Variants in LMOD1 observed in about 807,000 individuals in gnomAD.
LMOD1 encodes the protein leiomodin 1, also known as leiomodin-1.
LMOD1 carries 8 observed loss-of-function variants against 36.5 expected under a neutral mutation model. The observed-to-expected ratio is 0.22, with a 90% CI of 0.13 to 0.40. The LOEUF is 0.40. Among genes scored for constraint, LMOD1 ranks in the 10% least tolerant of loss-of-function variants. The pLI is 1.00. For synonymous variants in LMOD1, 284 were observed against 288.7 expected (o/e 0.98, Z 0.17); for missense variants, 630 against 751.1 (o/e 0.84, Z 1.88).
chr1:201,930,086 A>G (rs369101514), intron 1 of LMOD1, among the ~76,000 whole-genome samples: 3 of 152,312 alleles, frequency 2.0e-5, no homozygotes. Flanking sequence ...TGGAGAACCA[A>G]TGGTCAAGTA....
intron 1 of LMOD1, among the ~76,000 whole-genome samples, chr1:201,933,500 A>G (rs1357122060): frequency 1.3e-5 from 2 of 148,952 alleles, no homozygotes; most frequent in Non-Finnish European, 3.0e-5. Context: ...CAAAAAATAC[A>G]CACTCCATGA....
At chr1:201,902,613 A>C (rs1681349514) in intron 1 of LMOD1, among the ~76,000 whole-genome samples, 1 of 151,988 alleles carries the variant, frequency 6.6e-6, no homozygotes, top group Admixed American at 6.6e-5. Context: ...TGCCCAGCTA[A>C]TTTTTGTATT....
At chr1:201,906,082 A>G (rs1049451389) in intron 1 of LMOD1, among the ~76,000 whole-genome samples, 10 of 152,108 alleles carry the variant, frequency 6.6e-5, no homozygotes, top group African/African-American at 2.4e-4. Flanking sequence ...GGTAGGATCT[A>G]TGGGGTCTCC....
chr1:201,946,243 T>G lies in LMOD1; in HGVS notation c.98A>C (p.Glu33Ala). Residue 33 changes from glutamate to alanine, a missense_variant, in exon 1 of 3, where the codon GAG becomes GCG. Transcript: ENST00000367288. ...TLSPEEMEEL[E>A]KELDVVDPDG... is the part of the protein sequence containing the mutation. ...TGGGTCCACCACGTCCAGCTCCTTC[T>G]CCAGCTCCTCCATCTCCTCGGGAGA... 1 of 1,613,930 alleles carries G rather than the reference T, an allele frequency of 6.2e-7. No homozygotes were observed. Among genetic ancestry groups the G allele is most frequent in the Non-Finnish European group, 8.5e-7 (1 of 1,179,894 alleles).
rs370852373 is a variant in LMOD1, at chr1:201,899,486, T to C, written c.1527A>G (p.Pro509=). The C allele has an allele frequency of 1.5e-5, 24 of 1,613,966 alleles. 2 individuals carry two copies. The African/African-American group carries it at 3.2e-4, about 22-fold the overall frequency. The part of the protein sequence containing the change: ...PKAGAVAKGS[P]KPSPQPSPKP... ...TTGGAGATGGTTGAGGTGAAGGTTT[T>C]GGGGAGCCCTTAGCCACGGCCCCGG... is the stretch of plus-strand genomic sequence containing the variant. Residue 509 remains proline, a synonymous_variant, in exon 2 of 3, where the codon CCA becomes CCG. Transcript: ENST00000367288. The surrounding 1 kb of genome is among the most constrained non-coding windows in gnomAD (Gnocchi z 6.3).
At chr1:201,918,992 A>T (rs189086050) in intron 1 of LMOD1, among the ~76,000 whole-genome samples, 1 of 151,548 alleles carries the variant, frequency 6.6e-6, no homozygotes, top group African/African-American at 2.4e-5. Flanking sequence ...TCCTGGGCTC[A>T]AGTGATCCTC....
Position 201,932,410 on chromosome 1 carries a change from C to T in LMOD1, c.261+13670G>A, listed in dbSNP as rs990844086. 4.6e-5 allele frequency among the ~76,000 whole-genome samples: 7 copies of T among 151,960 alleles called. No homozygotes were observed. In the East Asian group the frequency reaches 7.7e-4, roughly 17 times the overall value. On this transcript the variant is annotated intron_variant, in intron 1 of 2. Coordinates refer to ENST00000367288, the MANE Select transcript of LMOD1 (RefSeq NM_012134.3). ...GGTCAGGAGGACAGGAGGCAGAACACGCTGAAAAGGTTATACAGCATCTAG... is the reference window on the plus strand; with the variant it reads ...GGTCAGGAGGACAGGAGGCAGAACATGCTGAAAAGGTTATACAGCATCTAG...
rs571645323 is a variant in LMOD1 at position 201,910,879 on chromosome 1, C to T, written c.262-10128G>A. ...AAGCGATTCTCCTGCCTCAGCCTCC[C>T]GAATAGCTGGGATTACAGGTGTTCG... On this transcript the variant is annotated intron_variant, in intron 1 of 2. Coordinates refer to ENST00000367288, the MANE Select transcript of LMOD1 (RefSeq NM_012134.3). 1.6e-4 allele frequency among the ~76,000 whole-genome samples: 24 copies of T among 151,130 alleles called. 1 individual carries two copies. The highest frequency in any genetic ancestry group is 9.8e-4 in the East Asian group (5 of 5,110).
At chr1:201,930,785 C>T (rs1681904445) in intron 1 of LMOD1, among the ~76,000 whole-genome samples, 1 of 152,132 alleles carries the variant, frequency 6.6e-6, no homozygotes, top group South Asian at 2.1e-4. Context: ...AGAGTATGAG[C>T]TGCTCACAGA....
chr1:201,912,807 C>T (rs1010369685), intron 1 of LMOD1, among the ~76,000 whole-genome samples: 5 of 152,042 alleles, frequency 3.3e-5, no homozygotes, highest in Non-Finnish European at 7.4e-5. Context: ...TGCAGTGAGC[C>T]GAGATGGCAC....
chr1:201,924,043 A>G (rs1423998355), intron 1 of LMOD1, among the ~76,000 whole-genome samples: 3 of 151,886 alleles, frequency 2.0e-5, no homozygotes, highest in East Asian at 3.9e-4. Flanking sequence ...GAGGCTGGGC[A>G]CAGTGGCTCA....
intron 1 of LMOD1, among the ~76,000 whole-genome samples, chr1:201,936,748 C>T (rs1034982980): frequency 6.6e-5 from 10 of 151,862 alleles, no homozygotes; most frequent in Non-Finnish European, 1.5e-4. Context: ...ACCAGCCTGG[C>T]CAACATGGTG....
chr1:201,913,360 C>T (rs540839566), intron 1 of LMOD1, among the ~76,000 whole-genome samples: 1 of 152,164 alleles, frequency 6.6e-6, no homozygotes, highest in Non-Finnish European at 1.5e-5. Flanking sequence ...AATCCCGGCA[C>T]TTTGGGAGGC....
At chr1:201,942,079 G>C (rs1469951002) in intron 1 of LMOD1, among the ~76,000 whole-genome samples, 1 of 152,318 alleles carries the variant, frequency 6.6e-6, no homozygotes, top group African/African-American at 2.4e-5. Context: ...GGATGATTAG[G>C]GCGGAGCTAC....
intron 1 of LMOD1, among the ~76,000 whole-genome samples, chr1:201,922,266 A>G (rs1022108059): frequency 6.6e-6 from 1 of 152,200 alleles, no homozygotes; most frequent in East Asian, 1.9e-4. Flanking sequence ...TTGAAAATAT[A>G]TGTCCACAAA....
At chr1:201,910,938 T>C (rs750658753) in intron 1 of LMOD1, among the ~76,000 whole-genome samples, 2 of 151,908 alleles carry the variant, frequency 1.3e-5, no homozygotes, top group Admixed American at 6.6e-5. Flanking sequence ...TCTTAAACTA[T>C]ATCAGTAGTA....
At chr1:201,914,340 G>A (rs1681564062) in intron 1 of LMOD1, among the ~76,000 whole-genome samples, 1 of 152,134 alleles carries the variant, frequency 6.6e-6, no homozygotes. Flanking sequence ...GAGTCAGAAG[G>A]CCAGGGTTCC....
At chr1:201,930,939 G>A (rs1681907442) in intron 1 of LMOD1, among the ~76,000 whole-genome samples, 1 of 152,232 alleles carries the variant, frequency 6.6e-6, no homozygotes, top group Non-Finnish European at 1.5e-5. Context: ...ACTAAAAGGT[G>A]TGTTCAGATA....
At chr1:201,939,226 AAAG>A (rs1682074094) in intron 1 of LMOD1, among the ~76,000 whole-genome samples, 1 of 152,010 alleles carries the variant, frequency 6.6e-6, no homozygotes, top group South Asian at 2.1e-4. Flanking sequence ...TAGAGTGAGG[AAAG>A]AAGGTCTCTC....
Sources: gnomAD v4.1 joint callset for allele counts (sites outside exome capture counted in the v4.1 genomes callset) on GRCh38, gnomAD v4.1.1 for gene constraint, Gnocchi (gnomAD v3.1) non-coding constraint, MANE v1.5 for transcripts, NCBI Gene and HGNC (gene_info 2026-07-23, HGNC 2026-07-21) for gene names.